ARHGAP32: variants seen among roughly 807,000 people sequenced by gnomAD.
The protein encoded by ARHGAP32 is rho GTPase-activating protein 32.
ARHGAP32 carries 51 observed loss-of-function variants against 186.5 expected under a neutral mutation model. That is an observed-to-expected ratio of 0.27 (90% CI 0.22 to 0.35). ARHGAP32 has a LOEUF of 0.35. Ranked by LOEUF, ARHGAP32 falls within the 10% of genes least tolerant of loss-of-function variation. The probability of loss-of-function intolerance (pLI) is 1.00; values close to 1 mark genes in which losing one functional copy is unlikely to be tolerated. For synonymous variants in ARHGAP32, 950 were observed against 964.3 expected (o/e 0.99, Z 0.27); for missense variants, 2,186 against 2,623.5 (o/e 0.83, Z 3.64).
At chr11:128,975,971 G>C (rs1026767771) in intron 20 of ARHGAP32, among the ~76,000 whole-genome samples, 4 of 151,976 alleles carry the variant, frequency 2.6e-5, no homozygotes, top group African/African-American at 9.7e-5. Flanking sequence ...CCAGCTATTT[G>C]GGAGGCTGAG....
intron 8 of ARHGAP32, 37 bp from the exon 9 acceptor site, chr11:129,064,061 T>C (rs779841703): frequency 2.7e-5 from 42 of 1,549,262 alleles, no homozygotes; most frequent in Non-Finnish European, 3.4e-5. Flanking sequence ...ATAAAGACAC[T>C]GGACTTGCAA....
intron 5 of ARHGAP32, among the ~76,000 whole-genome samples, chr11:129,104,843 G>A (rs615093): frequency 0.37 from 56,615 of 151,928 alleles, 11,195 homozygotes; most frequent in South Asian, 0.52. Flanking sequence ...GAATAACCAA[G>A]AGATCACTGA....
At position 129,135,680 on chromosome 11, in the gene ARHGAP32, T is replaced by C. The variant is rs778921157; in HGVS notation, c.226-10786A>G. On this transcript the variant is annotated intron_variant, in intron 2 of 22. Transcript: ENST00000682385. ...TACTCAGGAGGCTGAGGCAGGAGAA[T>C]GGTGTGAACCCAGGAGGCGGAGCTT... Among the ~76,000 whole-genome samples the C allele has an allele frequency of 3.9e-4, 60 of 151,946 alleles. 1 individual carries two copies. The highest frequency in any genetic ancestry group is 8.4e-4 in the Non-Finnish European group (57 of 67,982).
At chr11:129,223,344 G>C (rs1176459302) in intron 1 of ARHGAP32, among the ~76,000 whole-genome samples, 1 of 151,970 alleles carries the variant, frequency 6.6e-6, no homozygotes, top group East Asian at 1.9e-4. Flanking sequence ...ATAAAGCTTA[G>C]CTGTGGTACC....
intron 11 of ARHGAP32, among the ~76,000 whole-genome samples, chr11:129,010,746 T>C (rs532725467): frequency 1.3e-5 from 2 of 152,224 alleles, no homozygotes; most frequent in Non-Finnish European, 2.9e-5. Flanking sequence ...TGTAACTGTG[T>C]CAAAGTAAAT....
chr11:129,235,837 CCA>C (rs1220991745), intron 1 of ARHGAP32, among the ~76,000 whole-genome samples: 1 of 151,308 alleles, frequency 6.6e-6, no homozygotes, highest in African/African-American at 2.4e-5. Flanking sequence ...CTGAGTTACT[CCA>C]CAGAGAATAA....
At chr11:129,199,710 G>T (rs1013225082) in intron 1 of ARHGAP32, among the ~76,000 whole-genome samples, 1 of 152,214 alleles carries the variant, frequency 6.6e-6, no homozygotes, top group Non-Finnish European at 1.5e-5. Flanking sequence ...AGGAAAATGT[G>T]GGGTTGAAGC....
intron 1 of ARHGAP32, among the ~76,000 whole-genome samples, chr11:129,246,028 A>T (rs1469458016): frequency 6.6e-6 from 1 of 152,252 alleles, no homozygotes; most frequent in Non-Finnish European, 1.5e-5. Context: ...TATTCAATAG[A>T]TTAGCTATTC....
chr11:129,200,339 T>C (rs1326769137), intron 1 of ARHGAP32, among the ~76,000 whole-genome samples: 1 of 152,210 alleles, frequency 6.6e-6, no homozygotes, highest in Non-Finnish European at 1.5e-5. Context: ...TCATCTTGTA[T>C]TGTAACTCCC....
intron 1 of ARHGAP32, among the ~76,000 whole-genome samples, chr11:129,255,850 T>C (rs1014865174): frequency 6.6e-6 from 1 of 152,114 alleles, no homozygotes; most frequent in East Asian, 1.9e-4. Flanking sequence ...TACTCCAAAG[T>C]ATACATTCAA....
chr11:129,024,710 C>G (rs1057067105), intron 11 of ARHGAP32, among the ~76,000 whole-genome samples: 1 of 152,164 alleles, frequency 6.6e-6, no homozygotes. Context: ...ACAACCTTCT[C>G]CTTCATACAC....
intron 19 of ARHGAP32, among the ~76,000 whole-genome samples, chr11:128,978,278 C>T (rs574039783): frequency 6.6e-6 from 1 of 152,184 alleles, no homozygotes; most frequent in East Asian, 1.9e-4. Context: ...TAGAATATGG[C>T]TTTTAAACTA....
upstream of ARHGAP32, among the ~76,000 whole-genome samples, chr11:129,195,853 G>A (rs1452425225): frequency 2.0e-5 from 3 of 152,204 alleles, no homozygotes; most frequent in Non-Finnish European, 4.4e-5. Flanking sequence ...GAACACAGCC[G>A]AGTCCATCAC....
At chr11:129,173,858 A>G (rs1345218813) in intron 1 of ARHGAP32, among the ~76,000 whole-genome samples, 1 of 152,254 alleles carries the variant, frequency 6.6e-6, no homozygotes, top group East Asian at 1.9e-4. Flanking sequence ...GTTGTCTTCT[A>G]TTCAACACTG....
chr11:129,147,702 G>A (rs1299753227), intron 2 of ARHGAP32, among the ~76,000 whole-genome samples: 4 of 152,180 alleles, frequency 2.6e-5, no homozygotes, highest in Admixed American at 6.5e-5. Flanking sequence ...TAGAATGGTT[G>A]CTCTATAAGA....
chr11:129,209,456 TA>T (rs1298498937), intron 1 of ARHGAP32, among the ~76,000 whole-genome samples: 3 of 150,926 alleles, frequency 2.0e-5, no homozygotes, highest in East Asian at 3.9e-4. Flanking sequence ...AAAGTAAATA[TA>T]AAAAAAAGTA....
intron 11 of ARHGAP32, among the ~76,000 whole-genome samples, chr11:129,025,482 C>T (rs928943876): frequency 1.3e-5 from 2 of 152,142 alleles, no homozygotes; most frequent in East Asian, 1.9e-4. Flanking sequence ...GGGACATCTG[C>T]AGATTATTGA....
chr11:129,146,671 G>C (rs1284885823), intron 2 of ARHGAP32, among the ~76,000 whole-genome samples: 2 of 151,860 alleles, frequency 1.3e-5, no homozygotes, highest in African/African-American at 4.8e-5. Flanking sequence ...ATTACAAAAG[G>C]ATAGAGCCCC....
At chr11:129,024,673 T>C (rs1938753572) in intron 11 of ARHGAP32, among the ~76,000 whole-genome samples, 1 of 152,166 alleles carries the variant, frequency 6.6e-6, no homozygotes, top group African/African-American at 2.4e-5. Context: ...GAATGGGAAA[T>C]CCAGAATTAA....
Sources: allele counts gnomAD v4.1 joint callset (sites outside exome capture counted in the v4.1 genomes callset), GRCh38; gene constraint gnomAD v4.1.1; transcripts MANE v1.5; gene names NCBI Gene and HGNC (gene_info 2026-07-23, HGNC 2026-07-21).